CDH9: variants seen among roughly 807,000 people sequenced by gnomAD.
CDH9 encodes cadherin 9, also known as cadherin-9.
In CDH9, 28 loss-of-function variants were observed where a neutral mutation model predicts 70.9. The observed-to-expected ratio is 0.40, with a 90% CI of 0.29 to 0.54. CDH9 has a LOEUF of 0.54. CDH9 is among the 20% of genes least tolerant of loss of function. The pLI, the probability that CDH9 is intolerant of heterozygous loss-of-function variation, is 0.59. For synonymous variants in CDH9, 409 were observed against 343.1 expected, an observed-to-expected ratio of 1.19 and a Z score of -2.12; for missense variants, 874 against 984.4, an observed-to-expected ratio of 0.89 and a Z score of 1.50.
chr5:26,922,589 T>C (rs1741264165), intron 2 of CDH9, among the ~76,000 whole-genome samples: 2 of 151,980 alleles, frequency 1.3e-5, no homozygotes, highest in South Asian at 4.2e-4. Flanking sequence ...CAAGAAATGC[T>C]AAAGGGAGTT....
intron 2 of CDH9, among the ~76,000 whole-genome samples, chr5:26,985,782 A>C (rs1055493568): frequency 4.6e-5 from 7 of 152,106 alleles, no homozygotes; most frequent in Admixed American, 3.9e-4. Flanking sequence ...GTTGAGGTCT[A>C]CCCAGGGAGA....
intron 7 of CDH9, among the ~76,000 whole-genome samples, chr5:26,895,962 T>C (rs1222470208): frequency 1.3e-5 from 2 of 151,992 alleles, no homozygotes; most frequent in African/African-American, 4.8e-5. Flanking sequence ...CTTTTTTGCA[T>C]ACATTTTGAA....
intron 2 of CDH9, among the ~76,000 whole-genome samples, chr5:26,920,546 T>C (rs576722773): frequency 1.3e-5 from 2 of 152,202 alleles, no homozygotes; most frequent in Non-Finnish European, 2.9e-5. Context: ...CAGTGGTTAC[T>C]GTGGGCCTTG....
intron 2 of CDH9, among the ~76,000 whole-genome samples, chr5:26,926,176 T>C (rs1741335052): frequency 6.6e-6 from 1 of 152,140 alleles, no homozygotes. Context: ...ATGGCATGAT[T>C]GTATATCTAG....
At chr5:26,907,238 C>T (rs1302863410) in intron 3 of CDH9, among the ~76,000 whole-genome samples, 1 of 151,982 alleles carries the variant, frequency 6.6e-6, no homozygotes, top group Non-Finnish European at 1.5e-5. Context: ...CATTTTTTAA[C>T]CTGCTGCTGC....
intron 7 of CDH9, among the ~76,000 whole-genome samples, chr5:26,896,179 G>A (rs1042488733): frequency 6.6e-6 from 1 of 151,926 alleles, no homozygotes; most frequent in African/African-American, 2.4e-5. Flanking sequence ...AAGATTTCCG[G>A]ATGACCTTTA....
chr5:27,009,261 T>C (rs931081270), intron 1 of CDH9, among the ~76,000 whole-genome samples: 1 of 152,112 alleles, frequency 6.6e-6, no homozygotes, highest in African/African-American at 2.4e-5. Flanking sequence ...AAATAACAAG[T>C]TGTAGTTTCT....
intron 7 of CDH9, 28 bp downstream of exon 7, chr5:26,902,448 A>T: frequency 1.3e-6 from 2 of 1,503,252 alleles, no homozygotes; most frequent in Non-Finnish European, 1.8e-6. Context: ...ATTTCTAAAA[A>T]CATAATAAAT....
chr5:27,016,844 G>A (rs1743054719), intron 1 of CDH9, among the ~76,000 whole-genome samples: 1 of 151,758 alleles, frequency 6.6e-6, no homozygotes, highest in African/African-American at 2.4e-5. Flanking sequence ...TGAAATAAAG[G>A]GAGCATTTTT....
At position 27,010,002 on chromosome 5, in the gene CDH9, T is replaced by A. The variant is rs572654061; in HGVS notation, c.-49-21620A>T. On this transcript the variant is annotated intron_variant, in intron 1 of 11. Transcript: ENST00000231021. Reference sequence around the variant, plus strand: ...CCAATTAAAAGGATTTACTGGGAACTGAACCCTTGGCGGAGTCCTTAATCT... The same window carrying A: ...CCAATTAAAAGGATTTACTGGGAACAGAACCCTTGGCGGAGTCCTTAATCT... Among the ~76,000 whole-genome samples, 7 of 152,204 alleles carry A rather than the reference T, an allele frequency of 4.6e-5. No homozygotes were observed. The South Asian group carries it at 1.4e-3, about 31-fold the overall frequency.
intron 1 of CDH9, among the ~76,000 whole-genome samples, chr5:27,004,078 C>T (rs1742816950): frequency 7.9e-6 from 1 of 127,112 alleles, no homozygotes; most frequent in Non-Finnish European, 1.6e-5. Flanking sequence ...GAGGTAGTTA[C>T]TTTTGATATT....
intron 2 of CDH9, among the ~76,000 whole-genome samples, chr5:26,971,391 C>T (rs2112073476): frequency 6.6e-6 from 1 of 152,260 alleles, no homozygotes; most frequent in East Asian, 1.9e-4. Context: ...TATTTTCACT[C>T]TCACTATTTC....
chr5:26,932,864 C>T (rs1395557779), intron 2 of CDH9, among the ~76,000 whole-genome samples: 3 of 151,292 alleles, frequency 2.0e-5, no homozygotes, highest in Non-Finnish European at 3.0e-5. Context: ...CCTGCCTTGT[C>T]TAGGTATAAT....
At chr5:26,883,796 A>C (rs901811578) in intron 11 of CDH9, among the ~76,000 whole-genome samples, 6 of 152,090 alleles carry the variant, frequency 3.9e-5, no homozygotes, top group Non-Finnish European at 8.8e-5. Flanking sequence ...GTGTCCCTAC[A>C]ACCAAAAAGT....
chr5:26,884,494 G>C (rs1740527046), intron 11 of CDH9, among the ~76,000 whole-genome samples: 1 of 152,060 alleles, frequency 6.6e-6, no homozygotes, highest in Admixed American at 6.6e-5. Flanking sequence ...TTTTACAGAG[G>C]AGTTGAACTC....
chr5:26,980,764 A>C (rs903137459), intron 2 of CDH9, among the ~76,000 whole-genome samples: 10 of 151,888 alleles, frequency 6.6e-5, no homozygotes, highest in African/African-American at 2.4e-4. Flanking sequence ...CTATTGAGTC[A>C]GAAGAAAAAA....
chr5:26,902,901 C>T (rs1740881785), intron 6 of CDH9, 172 bp from the exon 7 acceptor site: 2 of 545,702 alleles, frequency 3.7e-6, no homozygotes, highest in South Asian at 2.4e-5. Flanking sequence ...TTTTGCCATA[C>T]ACTTATTCAC....
intron 2 of CDH9, among the ~76,000 whole-genome samples, chr5:26,979,429 G>A (rs1384322337): frequency 6.9e-6 from 1 of 144,520 alleles, no homozygotes; most frequent in Non-Finnish European, 1.5e-5. Flanking sequence ...ATGATTAATT[G>A]TTCCAAAAGA....
chr5:26,901,720 T>C (rs1049927681), intron 7 of CDH9, among the ~76,000 whole-genome samples: 10 of 151,836 alleles, frequency 6.6e-5, no homozygotes, highest in African/African-American at 2.4e-4. Flanking sequence ...CATGCATTAA[T>C]CTATATATGC....
Sources: allele counts gnomAD v4.1 joint callset (sites outside exome capture counted in the v4.1 genomes callset), GRCh38; gene constraint gnomAD v4.1.1; transcripts MANE v1.5; gene names NCBI Gene and HGNC (gene_info 2026-07-23, HGNC 2026-07-21).